The following NUP107 variants were observed in gnomAD, a reference collection of about 807,000 sequenced individuals.
The protein encoded by NUP107 is nuclear pore complex protein Nup107.
In NUP107, 101 loss-of-function variants were observed where a neutral mutation model predicts 141.0. The ratio of observed to expected loss-of-function variants is 0.72; its 90% CI spans 0.61 to 0.84. The LOEUF is 0.84. Ranked by LOEUF, NUP107 falls within the 40% of genes least tolerant of loss-of-function variation. The pLI, the probability that NUP107 is intolerant of heterozygous loss-of-function variation, is 0.00. For synonymous variants in NUP107, 319 were observed against 363.9 expected (o/e 0.88, Z 1.41); for missense variants, 941 against 1,102.7 (o/e 0.85, Z 2.08).
intron 12 of NUP107, among the ~76,000 whole-genome samples, chr12:68,717,100 G>A (rs1877147967): frequency 6.6e-6 from 1 of 152,070 alleles, no homozygotes; most frequent in Non-Finnish European, 1.5e-5. Flanking sequence ...GTTTCACCGT[G>A]TTGCCCAGGC....
intron 11 of NUP107, among the ~76,000 whole-genome samples, chr12:68,715,152 C>T (rs1877043852): frequency 6.6e-6 from 1 of 152,194 alleles, no homozygotes; most frequent in Non-Finnish European, 1.5e-5. Context: ...ATTTGGAACA[C>T]TTGTAATCTT....
rs985553971 is a variant in NUP107 at position 68,743,423 on chromosome 12, G to T, written c.*961G>T. On this transcript the variant is annotated 3_prime_UTR_variant, in exon 28 of 28. Transcript: ENST00000229179. ...TCTCCAAAAAAAGAAAGAATTACAAGTAGTCTGAGCAGGAAGAACCTCTCT... is the reference window on the plus strand; with the variant it reads ...TCTCCAAAAAAAGAAAGAATTACAATTAGTCTGAGCAGGAAGAACCTCTCT... 1.1e-4 allele frequency: 16 copies of T among 152,160 alleles called. No individual in the cohort carries two copies. The highest frequency in any genetic ancestry group is 3.6e-4 in the African/African-American group (15 of 41,442). 9.4% of individuals were successfully genotyped at this position (152,160 alleles called of 1,614,324 possible). A position where few individuals can be genotyped will look rare whatever the true frequency, so the allele number is the denominator to read the frequency against.
intron 4 of NUP107, 30 bp from the exon 5 acceptor site, chr12:68,691,938 T>C (rs1875809724): frequency 6.4e-7 from 1 of 1,559,834 alleles, no homozygotes; most frequent in Non-Finnish European, 8.6e-7. Context: ...ATCACTTTTC[T>C]GTATTTTTAC....
intron 20 of NUP107, among the ~76,000 whole-genome samples, chr12:68,729,769 C>T (rs183465548): frequency 2.9e-4 from 43 of 148,236 alleles, no homozygotes; most frequent in Middle Eastern, 3.8e-3. Flanking sequence ...CTCAGTATTT[C>T]TAGGCTATTA....
Position 68,734,810 on chromosome 12 carries a change from G to A in NUP107, c.2365G>A (p.Glu789Lys), listed in dbSNP as rs763307094. The change falls in exon 25 of 28, where the codon GAA (glutamate) becomes AAA (lysine). Residue 789 changes from glutamate to lysine, a missense_variant. Coordinates refer to ENST00000229179, the MANE Select transcript of NUP107 (RefSeq NM_020401.4). ...QPTFTEKVAH[E>K]HKEKKYEMDF... ...AACTTTTACTGAGAAAGTGGCTCAT[G>A]AACACAAAGAAAAGAAATATGAAGT... 1 of 1,612,356 alleles carries A rather than the reference G, an allele frequency of 6.2e-7. No individual in the cohort carries two copies. Among genetic ancestry groups the A allele is most frequent in the South Asian group, 1.1e-5 (1 of 90,556 alleles).
chr12:68,725,702 G>A, intron 17 of NUP107, 25 bp from the exon 18 acceptor site: 2 of 1,205,470 alleles, frequency 1.7e-6, no homozygotes, highest in Non-Finnish European at 2.4e-6. Flanking sequence ...GAAGATTTAT[G>A]GAAAATTAAA....
intron 24 of NUP107, 99 bp downstream of exon 24, chr12:68,733,711 A>G (rs964309198): frequency 3.3e-6 from 4 of 1,197,242 alleles, no homozygotes; most frequent in Admixed American, 2.1e-5. Flanking sequence ...GTGTTGGTTC[A>G]TCTTACCTCT....
intron 5 of NUP107, among the ~76,000 whole-genome samples, chr12:68,692,674 C>T (rs943350877): frequency 3.3e-5 from 5 of 151,872 alleles, no homozygotes; most frequent in Admixed American, 3.3e-4. Context: ...CCTTAACCTC[C>T]CAGGCTTAAG....
At chr12:68,730,040 TA>T (rs1877749455) in intron 20 of NUP107, among the ~76,000 whole-genome samples, 1 of 151,700 alleles carries the variant, frequency 6.6e-6, no homozygotes, top group African/African-American at 2.4e-5. Context: ...TAGCCCATTG[TA>T]ACCTCAGACT....
chr12:68,732,129 ATTTATT>A (rs1877857119), intron 22 of NUP107, among the ~76,000 whole-genome samples: 2 of 152,096 alleles, frequency 1.3e-5, no homozygotes, highest in African/African-American at 4.8e-5. Context: ...ATTTTCTATA[ATTTATT>A]TTTATTTTTA....
At chr12:68,734,427 T>C (rs995425204) in intron 24 of NUP107, among the ~76,000 whole-genome samples, 7 of 152,222 alleles carry the variant, frequency 4.6e-5, no homozygotes, top group African/African-American at 1.7e-4. Flanking sequence ...CAAGTACACA[T>C]GCATATGTTA....
At chr12:68,701,278 A>C (rs1333072208) in intron 7 of NUP107, among the ~76,000 whole-genome samples, 1 of 152,256 alleles carries the variant, frequency 6.6e-6, no homozygotes, top group Non-Finnish European at 1.5e-5. Flanking sequence ...ATACAACCAC[A>C]TATGAATAAA....
intron 6 of NUP107, among the ~76,000 whole-genome samples, chr12:68,700,513 A>G (rs1876276876): frequency 6.6e-6 from 1 of 152,190 alleles, no homozygotes; most frequent in African/African-American, 2.4e-5. Context: ...AGACTTATAT[A>G]TATACTCAGA....
chr12:68,726,478 C>A, intron 18 of NUP107, 21 bp from the exon 19 acceptor site: 2 of 1,456,326 alleles, frequency 1.4e-6, no homozygotes, highest in Non-Finnish European at 1.9e-6. Context: ...ATTGTTGAAT[C>A]TTCACTTTGA....
intron 15 of NUP107, among the ~76,000 whole-genome samples, chr12:68,721,443 A>G (rs746334763): frequency 6.6e-5 from 10 of 152,188 alleles, no homozygotes; most frequent in Admixed American, 2.0e-4. Context: ...TCCAACACAC[A>G]TTTATTGATG....
chr12:68,713,767 ACTT>A lies in NUP107; in HGVS notation c.932_934del (p.Ser311del), dbSNP rs375312522. Reference sequence around the variant, plus strand: ...GCATACCTTAAAACAACGGCAGCTGACTTCTTACGTTGGAAGTGTTCGTCCGCT... The same window carrying A: ...GCATACCTTAAAACAACGGCAGCTGACTTACGTTGGAAGTGTTCGTCCGCT... On this transcript the variant is annotated inframe_deletion, in exon 11 of 28. Coordinates refer to ENST00000229179, the MANE Select transcript of NUP107 (RefSeq NM_020401.4). The A allele has an allele frequency of 7.0e-4, 1,121 of 1,610,354 alleles. 8 individuals carry two copies. In the African/African-American group the frequency reaches 0.014, roughly 20 times the overall value.
rs1404198835 is a variant in NUP107 at position 68,733,372 on chromosome 12, G to A, written c.2102-80G>A. ...ATAGTTACAGGTCACTGTAAAATTG[G>A]TAAACCAGTGATTTGACTCCTTTAG... On this transcript the variant is annotated intron_variant, in intron 23 of 27. Coordinates refer to ENST00000229179, the MANE Select transcript of NUP107 (RefSeq NM_020401.4). 2.2e-6 allele frequency: 3 copies of A among 1,368,320 alleles called. No homozygotes were observed. In the African/African-American group the frequency reaches 4.4e-5, roughly 20 times the overall value. The allele number at this position is 1,368,320 out of a possible 1,614,324, so 84.8% of individuals were successfully genotyped here. A position where few individuals can be genotyped will look rare whatever the true frequency, so the allele number is the denominator to read the frequency against.
At chr12:68,692,183 G>T in intron 5 of NUP107, 71 bp downstream of exon 5, 1 of 1,329,932 alleles carries the variant, frequency 7.5e-7, no homozygotes, top group Non-Finnish European at 1.0e-6. Context: ...ATTTCTTCCT[G>T]TTTCTGAACG....
intron 26 of NUP107, chr12:68,740,079 C>T (rs1478821472): frequency 6.6e-6 from 1 of 152,208 alleles, no homozygotes; most frequent in Non-Finnish European, 1.5e-5. Context: ...AGATTGTCTG[C>T]AGCACACTCT....
Sources: gnomAD v4.1 joint callset for allele counts (sites outside exome capture counted in the v4.1 genomes callset) on GRCh38, gnomAD v4.1.1 for gene constraint, MANE v1.5 for transcripts, NCBI Gene and HGNC (gene_info 2026-07-23, HGNC 2026-07-21) for gene names.